The following DPP6 variants were observed in gnomAD, a reference collection of about 807,000 sequenced individuals.
DPP6 encodes A-type potassium channel modulatory protein DPP6.
Under a neutral mutation model 122.6 loss-of-function variants are expected in DPP6, and 69 were observed. The ratio of observed to expected loss-of-function variants is 0.56; its 90% confidence interval spans 0.46 to 0.69. DPP6 has a LOEUF of 0.69. Among genes scored for constraint, DPP6 ranks in the 30% least tolerant of loss-of-function variants. The pLI, the probability that DPP6 is intolerant of heterozygous loss-of-function variation, is 0.00. For synonymous variants in DPP6, 418 were observed against 433.1 expected, an observed-to-expected ratio of 0.97 and a Z score of 0.43; for missense variants, 928 against 1,116.9, an observed-to-expected ratio of 0.83 and a Z score of 2.41.
chr7:154,374,988 G>T (rs1238479928), intron 1 of DPP6, among the ~76,000 whole-genome samples: 1 of 152,170 alleles, frequency 6.6e-6, no homozygotes, highest in Non-Finnish European at 1.5e-5. Flanking sequence ...TGAAGGCGCT[G>T]TATTGAAGCA....
At chr7:154,026,628 TC>T (rs1338869673) in intron 1 of DPP6, 1 of 151,946 alleles carries the variant, frequency 6.6e-6, no homozygotes, top group Non-Finnish European at 1.5e-5. Flanking sequence ...ATTGGCCTTT[TC>T]TCCATCTGTG....
intron 1 of DPP6, among the ~76,000 whole-genome samples, chr7:154,365,180 T>C (rs1305718377): frequency 1.3e-5 from 2 of 152,224 alleles, no homozygotes; most frequent in African/African-American, 4.8e-5. Flanking sequence ...CACCGTAGGT[T>C]ATTGTTGAGC....
chr7:154,166,373 TGA>T (rs1157139646), intron 1 of DPP6, among the ~76,000 whole-genome samples: 2 of 151,936 alleles, frequency 1.3e-5, no homozygotes, highest in Non-Finnish European at 2.9e-5. Flanking sequence ...TCTCAGAGGA[TGA>T]GAGAGTGGAT....
intron 7 of DPP6, among the ~76,000 whole-genome samples, chr7:154,714,813 T>C (rs1484317071): frequency 6.6e-6 from 1 of 152,192 alleles, no homozygotes; most frequent in Non-Finnish European, 1.5e-5. Context: ...TTTTTAAAAA[T>C]GAAACTAATG....
chr7:153,752,382 T>G, the DPP6 span, among the ~76,000 whole-genome samples: 1 of 149,590 alleles, frequency 6.7e-6, no homozygotes, highest in Non-Finnish European at 1.5e-5. Context: ...CCTAAGTAGC[T>G]AGGATTACAG....
chr7:154,871,410 A>G (rs1388800907), intron 18 of DPP6, among the ~76,000 whole-genome samples: 2 of 152,262 alleles, frequency 1.3e-5, no homozygotes, highest in Non-Finnish European at 2.9e-5. Context: ...GAAAGATGTC[A>G]GCCCTACCGA....
intron 1 of DPP6, among the ~76,000 whole-genome samples, chr7:154,063,198 G>T (rs6969182): frequency 1.7e-5 from 2 of 119,608 alleles, no homozygotes; most frequent in African/African-American, 3.1e-5. Context: ...CCATCGCAGG[G>T]TTGGGGAGGC....
chr7:154,842,187 G>A (rs960594627), intron 16 of DPP6, among the ~76,000 whole-genome samples: 2 of 152,208 alleles, frequency 1.3e-5, no homozygotes, highest in African/African-American at 2.4e-5. Context: ...TCTGCTCACA[G>A]CTGTTCTTTG....
chr7:154,435,279 G>C lies in DPP6; in HGVS notation c.244-10935G>C, dbSNP rs566995726. 5.3e-5 allele frequency among the ~76,000 whole-genome samples: 8 copies of C among 152,204 alleles called. No homozygotes were observed. In the East Asian group the frequency reaches 1.6e-3, roughly 30 times the overall value. ...GGAGGACGAGAGAGAAAGAAAGAGGGAGGAATGGGAGGGGGTACTGAGAGA... is the reference window on the plus strand; with the variant it reads ...GGAGGACGAGAGAGAAAGAAAGAGGCAGGAATGGGAGGGGGTACTGAGAGA... On this transcript the variant is annotated intron_variant, in intron 1 of 25. Transcript: ENST00000377770.
At chr7:153,803,090 G>A in the DPP6 span, among the ~76,000 whole-genome samples, 1 of 151,640 alleles carries the variant, frequency 6.6e-6, no homozygotes, top group Non-Finnish European at 1.5e-5. Context: ...AGCTCACAAG[G>A]CCCTGGTAAC....
chr7:154,015,315 A>C (rs1798350513), intron 1 of DPP6, among the ~76,000 whole-genome samples: 1 of 152,000 alleles, frequency 6.6e-6, no homozygotes, highest in Non-Finnish European at 1.5e-5. Context: ...TCAGCATTGA[A>C]GTCTTATCTG....
chr7:154,617,316 G>A (rs1834325977), intron 5 of DPP6, among the ~76,000 whole-genome samples: 2 of 152,198 alleles, frequency 1.3e-5, no homozygotes, highest in South Asian at 4.1e-4. Context: ...GATATAAAAT[G>A]TATTGTTGGC....
At chr7:154,747,989 G>T (rs1843113815) in intron 8 of DPP6, among the ~76,000 whole-genome samples, 1 of 152,154 alleles carries the variant, frequency 6.6e-6, no homozygotes, top group Non-Finnish European at 1.5e-5. Context: ...ATAGATAAAG[G>T]GGTACAAGCT....
intron 1 of DPP6, among the ~76,000 whole-genome samples, chr7:154,365,261 C>G (rs759219945): frequency 6.6e-6 from 1 of 152,130 alleles, no homozygotes; most frequent in Non-Finnish European, 1.5e-5. Flanking sequence ...AGTCACACTT[C>G]CCCCAAAAAG....
chr7:153,979,579 A>G (rs571632080), intron 1 of DPP6, among the ~76,000 whole-genome samples: 61 of 152,278 alleles, frequency 4.0e-4, no homozygotes, highest in Admixed American at 1.9e-3. Flanking sequence ...TCCCAATACT[A>G]TGTTGAATAG....
chr7:153,924,169 G>A (rs1800780407), intron 1 of DPP6, among the ~76,000 whole-genome samples: 1 of 151,696 alleles, frequency 6.6e-6, no homozygotes, highest in Non-Finnish European at 1.5e-5. Flanking sequence ...AGGCTGGAGT[G>A]CAATGGCGCG....
intron 5 of DPP6, among the ~76,000 whole-genome samples, chr7:154,616,220 C>G (rs1281176229): frequency 6.6e-6 from 1 of 152,154 alleles, no homozygotes; most frequent in Non-Finnish European, 1.5e-5. Context: ...TCAGCTGTCC[C>G]CATGCCCAGG....
At chr7:154,742,582 A>T (rs1283166512) in intron 8 of DPP6, among the ~76,000 whole-genome samples, 2 of 152,190 alleles carry the variant, frequency 1.3e-5, no homozygotes, top group Non-Finnish European at 2.9e-5. Context: ...CGGATTTGAG[A>T]TTCTGTAAGA....
At chr7:154,147,494 CTTTT>C (rs377558354) in intron 1 of DPP6, among the ~76,000 whole-genome samples, 1 of 125,586 alleles carries the variant, frequency 8.0e-6, no homozygotes, top group Non-Finnish European at 1.5e-5. Context: ...TCCTTCCTTT[CTTTT>C]TCTGTCGGAG....
Sources: allele counts gnomAD v4.1 joint callset (sites outside exome capture counted in the v4.1 genomes callset), GRCh38; gene constraint gnomAD v4.1.1; transcripts MANE v1.5; gene names NCBI Gene and HGNC (gene_info 2026-07-23, HGNC 2026-07-21).